Variants in CPT1C observed in about 807,000 individuals in gnomAD.
CPT1C encodes carnitine palmitoyltransferase 1C.
CPT1C carries 61 observed loss-of-function variants against 97.3 expected under a neutral mutation model. That is an observed-to-expected ratio of 0.63 (90% confidence interval 0.51 to 0.78). CPT1C has a LOEUF of 0.78. Ranked by LOEUF, CPT1C falls within the 30% of genes least tolerant of loss-of-function variation. CPT1C has a pLI of 0.00. For synonymous variants in CPT1C, 469 were observed against 447.2 expected (o/e 1.05, Z -0.61); for missense variants, 975 against 1,065.5 (o/e 0.92, Z 1.18).
chr19:49,690,695 A>T, upstream of CPT1C: 2 of 502,174 alleles, frequency 4.0e-6, no homozygotes, highest in Admixed American at 3.9e-5. This position sits in a 1 kb window ranked among gnomAD's most constrained non-coding sequence, Gnocchi z 4.4. Context: ...CTTGAATCCA[A>T]CCCGCTGTGG....
In CPT1C at chr19:49,701,973, TATAA is replaced by T. The variant is rs1159441025; in HGVS notation, c.693+347_693+350del. Among the ~76,000 whole-genome samples, 8 of 88,662 alleles carry T rather than the reference TATAA, an allele frequency of 9.0e-5. No homozygotes were observed. In the South Asian group the frequency reaches 1.3e-3, roughly 14 times the overall value. 58.2% of individuals were successfully genotyped at this position (88,662 alleles called of 152,430 possible). ...ATATAAATATATTTATATATAAATT[TATAA>T]ATAAATATATAAATATTATAAATAT... On this transcript the variant is annotated intron_variant, in intron 7 of 19. Transcript: ENST00000598293.
chr19:49,694,094 ATAAATAAAT>A (rs1439217205), intron 3 of CPT1C, among the ~76,000 whole-genome samples: 5 of 92,200 alleles, frequency 5.4e-5, no homozygotes, highest in African/African-American at 4.1e-4. Flanking sequence ...TAAAAAATAA[ATAAATAAAT>A]AAATAAATAA....
Position 49,700,792 on chromosome 19 carries a change from G to C in CPT1C, c.390G>C (p.Leu130=), listed in dbSNP as rs778286208. Residue 130 remains leucine (L), a synonymous_variant, in exon 5 of 20, where the codon CTG becomes CTC. Coordinates refer to ENST00000598293, the MANE Select transcript of CPT1C (RefSeq NM_001199753.2). ...TGCACGTGGCCCTGAGGCTGCTTCTGTCCTACCACGGCTGGCTTCTTGAGC... is the reference window on the plus strand; with the variant it reads ...TGCACGTGGCCCTGAGGCTGCTTCTCTCCTACCACGGCTGGCTTCTTGAGC... ...FTLHVALRLL[L]SYHGWLLEPH... 2 of 1,613,362 alleles carry C rather than the reference G, an allele frequency of 1.2e-6. No homozygotes were observed. Among genetic ancestry groups the C allele is most frequent in the African/African-American group, 2.7e-5 (2 of 74,942 alleles).
intron 14 of CPT1C, among the ~76,000 whole-genome samples, chr19:49,709,350 A>C (rs1463042029): frequency 7.0e-6 from 1 of 143,594 alleles, no homozygotes; most frequent in African/African-American, 2.6e-5. Flanking sequence ...CCCATACCCC[A>C]CACCAACCCC....
chr19:49,708,680 C>G, intron 13 of CPT1C, 43 bp from the exon 14 acceptor site: 1 of 1,457,066 alleles, frequency 6.9e-7, no homozygotes. Context: ...TGGCCTCAGT[C>G]CACAGGGAGG....
At chr19:49,712,312 C>T (rs1258430570) in intron 17 of CPT1C, 2 of 313,780 alleles carry the variant, frequency 6.4e-6, no homozygotes, top group Non-Finnish European at 1.2e-5. Flanking sequence ...CCACTGCACT[C>T]CAGCCTGGAC....
chr19:49,702,456 A>T lies in CPT1C; in HGVS notation c.693+822A>T, dbSNP rs1408234600. Among the ~76,000 whole-genome samples the T allele has an allele frequency of 2.6e-5, 4 of 151,426 alleles. No individual in the cohort carries two copies. In the South Asian group the frequency reaches 8.3e-4, roughly 32 times the overall value. On this transcript the variant is annotated intron_variant, in intron 7 of 19. Coordinates refer to ENST00000598293, the MANE Select transcript of CPT1C (RefSeq NM_001199753.2). ...AACATGGTGAAACCCCGTCTCTACT[A>T]AAAATACAAAAATTAAACAGGTCTG...
Position 49,711,940 on chromosome 19 carries a change from G to A in CPT1C, c.1998G>A (p.Leu666=), listed in dbSNP as rs753392562. The A allele has an allele frequency of 6.2e-7, 1 of 1,614,062 alleles. No homozygotes were observed. Among genetic ancestry groups the A allele is most frequent in the Non-Finnish European group, 8.5e-7 (1 of 1,179,956 alleles). ...ALYIVSRFLH[L]QSPFLTQVHS... ...ACATCGTGTCCCGATTCCTCCACCT[G>A]CAGTCGCCCTTCCTGACCCAGGTTG... is the stretch of plus-strand genomic sequence containing the variant. The change falls in exon 17 of 20, where the codon CTG becomes CTA. Residue 666 remains leucine (L), a synonymous_variant. Transcript: ENST00000598293.
At chr19:49,700,140 C>T (rs531198528) in intron 4 of CPT1C, among the ~76,000 whole-genome samples, 2 of 139,310 alleles carry the variant, frequency 1.4e-5, no homozygotes, top group African/African-American at 2.7e-5. Flanking sequence ...CCAGCTACTC[C>T]GGAGGCTGAG....
At chr19:49,693,344 G>A (rs1008612134) in intron 3 of CPT1C, among the ~76,000 whole-genome samples, 1 of 151,860 alleles carries the variant, frequency 6.6e-6, no homozygotes, top group Non-Finnish European at 1.5e-5. Context: ...ACACCTGTGG[G>A]GTCATGATTG....
chr19:49,711,815 C>T lies in CPT1C; in HGVS notation c.1873C>T (p.Gln625Ter). ...ACCTCCCTGGGGACTGCAGGACCCA[C>T]AGTGCCTCGCCCTGTTCCGCGTGGC... ...AMEDKEKTDP[Q>*]CLALFRVAVD... is the part of the protein sequence containing the mutation. Residue 625 changes from glutamine to a stop codon, truncating the protein, a stop_gained, in exon 17 of 20, where the codon CAG becomes TAG. Transcript: ENST00000598293. LOFTEE classifies it high-confidence loss of function. The T allele has an allele frequency of 6.2e-7, 1 of 1,610,774 alleles. No individual in the cohort carries two copies. Among genetic ancestry groups the T allele is most frequent in the Non-Finnish European group, 8.5e-7 (1 of 1,178,842 alleles).
At chr19:49,711,637 C>T in intron 16 of CPT1C, 172 bp from the exon 17 acceptor site, 1 of 706,516 alleles carries the variant, frequency 1.4e-6, no homozygotes, top group Non-Finnish European at 2.3e-6. Context: ...CTGTGTGAAC[C>T]TGGCCAAATG....
chr19:49,696,884 A>G (rs1283197966), intron 3 of CPT1C, among the ~76,000 whole-genome samples: 4 of 151,260 alleles, frequency 2.6e-5, no homozygotes, highest in Non-Finnish European at 4.4e-5. Context: ...CGCCTGCCTC[A>G]GCCTCCCAAA....
At chr19:49,708,911 C>A in intron 14 of CPT1C, 72 bp downstream of exon 14, 1 of 952,502 alleles carries the variant, frequency 1.0e-6, no homozygotes, top group African/African-American at 1.6e-5. Context: ...TCATCCCCAC[C>A]CCTAATCTGA....
intron 3 of CPT1C, among the ~76,000 whole-genome samples, chr19:49,694,975 C>A (rs939352012): frequency 6.6e-6 from 1 of 151,954 alleles, no homozygotes; most frequent in African/African-American, 2.4e-5. Flanking sequence ...TCCGTCTCTA[C>A]TAAACATACA....
In CPT1C at chr19:49,700,663, CCT is replaced by C. The variant is rs1307686662; in HGVS notation, c.282-18_282-17del. On this transcript the variant is annotated intron_variant, in intron 4 of 19. Transcript: ENST00000598293. ...CTGAGGCCAGGAGACCCAGGCCCAG[CCT>C]CTGTTTCTCTCCCCGCAGGGGTGGA... 1 of 1,602,600 alleles carries C rather than the reference CCT, an allele frequency of 6.2e-7. No homozygotes were observed. The highest frequency in any genetic ancestry group is 1.7e-5 in the Admixed American group (1 of 59,994).
At position 49,705,014 on chromosome 19, in the gene CPT1C, T is replaced by C. The variant is rs1042583182; in HGVS notation, c.779T>C (p.Leu260Pro). The C allele has an allele frequency of 1.3e-6, 2 of 1,595,894 alleles. No individual in the cohort carries two copies. The highest frequency in any genetic ancestry group is 1.7e-6 in the Non-Finnish European group (2 of 1,167,868). ...VNSNYYMMDFLYVTPTPLQAA... is the reference protein window; with the variant it reads ...VNSNYYMMDFPYVTPTPLQAA... ...CCCTCTCCTGGTCCCCAGGACTTCC[T>C]GTATGTCACACCCACGCCTCTGCAG... The change falls in exon 9 of 20, where the codon CTG (leucine) becomes CCG (proline). Residue 260 changes from leucine to proline, a missense_variant. Around this residue, in one of 3 missense-constraint regions of CPT1C, gnomAD observed 596 missense variants for 603.1 expected, o/e 0.99. Transcript: ENST00000598293.
chr19:49,711,091 G>A (rs889477057), intron 16 of CPT1C: 1 of 379,226 alleles, frequency 2.6e-6, no homozygotes, highest in Non-Finnish European at 4.7e-6. Flanking sequence ...ACCCAAGAAG[G>A]AACCCCATTT....
rs141956324 is a variant in CPT1C, at chr19:49,706,069, C to T, written c.1125C>T (p.His375=). 91 of 1,613,610 alleles carry T rather than the reference C, an allele frequency of 5.6e-5. No individual in the cohort carries two copies. Among genetic ancestry groups the T allele is most frequent in the African/African-American group, 4.3e-4 (32 of 74,888 alleles). Residue 375 remains histidine, a synonymous_variant, in exon 11 of 20, where the codon CAC becomes CAT. Transcript: ENST00000598293. The surrounding 1 kb of genome is among the most constrained non-coding windows in gnomAD (Gnocchi z 4.8). Reference sequence around the variant, plus strand: ...ATGATCCCTCACCGGCCTGCCCCCACGAGGAACATCTGGCAGCTCTGACAG... The same window carrying T: ...ATGATCCCTCACCGGCCTGCCCCCATGAGGAACATCTGGCAGCTCTGACAG... ...ILDDPSPACP[H]EEHLAALTAA...
Sources: allele counts gnomAD v4.1 joint callset (sites outside exome capture counted in the v4.1 genomes callset), GRCh38; gene constraint gnomAD v4.1.1; regional missense constraint gnomAD v4.1.1; non-coding constraint Gnocchi (gnomAD v3.1); transcripts MANE v1.5; gene names NCBI Gene and HGNC (gene_info 2026-07-23, HGNC 2026-07-21).